The following CNNM4 variants were observed in gnomAD, a reference collection of about 807,000 sequenced individuals.
CNNM4 encodes metal transporter CNNM4.
CNNM4 carries 32 observed loss-of-function variants against 53.7 expected under a neutral mutation model. The observed-to-expected ratio is 0.60, with a 90% CI of 0.45 to 0.80. The LOEUF (loss-of-function observed/expected upper bound fraction) is 0.80. Ranked by LOEUF, CNNM4 falls within the 30% of genes least tolerant of loss-of-function variation. The pLI, the probability that CNNM4 is intolerant of heterozygous loss-of-function variation, is 0.00. For synonymous variants in CNNM4, 410 were observed against 440.0 expected (o/e 0.93, Z 0.85); for missense variants, 784 against 1,022.0 (o/e 0.77, Z 3.17).
At position 96,761,731 on chromosome 2, in the gene CNNM4, C is replaced by T. The variant is rs1401005817; in HGVS notation, c.732C>T (p.Cys244=). 5 of 1,609,892 alleles carry T rather than the reference C, an allele frequency of 3.1e-6. No individual in the cohort carries two copies. The Admixed American group carries it at 6.7e-5, about 21-fold the overall frequency. ...PIRRKGNYLL[C]SLLLGNVLVN... is the part of the protein sequence containing the mutation. Reference sequence around the variant, plus strand: ...GGCGCAAGGGCAACTACCTTCTCTGCTCGTTGCTCCTAGGGAACGTGCTGG... The same window carrying T: ...GGCGCAAGGGCAACTACCTTCTCTGTTCGTTGCTCCTAGGGAACGTGCTGG... Residue 244 remains cysteine (C), a synonymous_variant, in exon 1 of 7, where the codon TGC becomes TGT. Coordinates refer to ENST00000377075, the MANE Select transcript of CNNM4 (RefSeq NM_020184.4). This position sits in a 1 kb window ranked among gnomAD's most constrained non-coding sequence, Gnocchi z 6.0.
Position 96,808,983 on chromosome 2 carries a change from G to C in CNNM4, c.2130+241G>C, listed in dbSNP as rs2079232197. ...AGCCTCCTGAGTAGCTGGGACTACA[G>C]GTGTGCATGTGGCTTCGGGTTTTTT... On this transcript the variant is annotated intron_variant, in intron 6 of 6. Coordinates refer to ENST00000377075, the MANE Select transcript of CNNM4 (RefSeq NM_020184.4). This position sits in a 1 kb window ranked among gnomAD's most constrained non-coding sequence, Gnocchi z 4.9. Among the ~76,000 whole-genome samples the C allele has an allele frequency of 6.6e-6, 1 of 151,568 alleles. No homozygotes were observed. The highest frequency in any genetic ancestry group is 2.1e-4 in the South Asian group (1 of 4,810).
At position 96,808,796 on chromosome 2, in the gene CNNM4, C is replaced by G; in HGVS notation, c.2130+54C>G. On this transcript the variant is annotated intron_variant, in intron 6 of 6. Coordinates refer to ENST00000377075, the MANE Select transcript of CNNM4 (RefSeq NM_020184.4). The surrounding 1 kb of genome is among the most constrained non-coding windows in gnomAD (Gnocchi z 4.9). The stretch of plus-strand genomic sequence containing the variant: ...GTGCTATCTTCTGCTCAGGAATCAG[C>G]TACTACTTTCATCCACCAAACCCAG... 1 of 1,568,020 alleles carries G rather than the reference C, an allele frequency of 6.4e-7. No homozygotes were observed. Among genetic ancestry groups the G allele is most frequent in the South Asian group, 1.1e-5 (1 of 89,914 alleles).
Position 96,761,220 on chromosome 2 carries a change from T to A in CNNM4, c.221T>A (p.Val74Glu). The A allele has an allele frequency of 6.2e-7, 1 of 1,614,072 alleles. No homozygotes were observed. Among genetic ancestry groups the A allele is most frequent in the Non-Finnish European group, 8.5e-7 (1 of 1,179,976 alleles). The part of the protein sequence containing the change: ...GIIFVSEGST[V>E]NLRLYGYSLG... ...ATCTTCGTGTCCGAGGGCAGCACCG[T>A]GAACCTGAGGCTGTACGGCTACAGC... is the stretch of plus-strand genomic sequence containing the variant. The change falls in exon 1 of 7, where the codon GTG becomes GAG. Residue 74 changes from valine to glutamate, a missense_variant. Physicochemically the swap from Val to Glu is moderately radical, Grantham distance 121. This residue lies in a region of CNNM4 where 473 missense variants were observed against 624.6 expected (regional missense o/e 0.76). Coordinates refer to ENST00000377075, the MANE Select transcript of CNNM4 (RefSeq NM_020184.4). The surrounding 1 kb of genome is among the most constrained non-coding windows in gnomAD (Gnocchi z 6.0).
chr2:96,761,741 C>T lies in CNNM4; in HGVS notation c.742C>T (p.Leu248=). The change falls in exon 1 of 7, where the codon CTA becomes TTA. Residue 248 remains leucine, a synonymous_variant. Coordinates refer to ENST00000377075, the MANE Select transcript of CNNM4 (RefSeq NM_020184.4). This position sits in a 1 kb window ranked among gnomAD's most constrained non-coding sequence, Gnocchi z 6.0. ...CAACTACCTTCTCTGCTCGTTGCTC[C>T]TAGGGAACGTGCTGGTCAACACCTC... The part of the protein sequence containing the change: ...KGNYLLCSLL[L]GNVLVNTSLT... 1 of 1,610,442 alleles carries T rather than the reference C, an allele frequency of 6.2e-7. No individual in the cohort carries two copies.
intron 1 of CNNM4, among the ~76,000 whole-genome samples, chr2:96,780,058 C>A (rs1187315103): frequency 6.6e-6 from 1 of 152,058 alleles, no homozygotes; most frequent in Non-Finnish European, 1.5e-5. Context: ...TCTTGGCCTC[C>A]CAAAGTGCTG....
intron 1 of CNNM4, among the ~76,000 whole-genome samples, chr2:96,785,634 A>G (rs1030889507): frequency 1.3e-5 from 2 of 151,960 alleles, no homozygotes; most frequent in African/African-American, 4.8e-5. Flanking sequence ...CCTTTGTCTC[A>G]AAAAAGAAAA....
At chr2:96,774,429 A>C (rs1388869356) in intron 1 of CNNM4, among the ~76,000 whole-genome samples, 1 of 152,170 alleles carries the variant, frequency 6.6e-6, no homozygotes, top group East Asian at 1.9e-4. Context: ...ATTTTTTTTA[A>C]ATTAAAAAGT....
In CNNM4 at chr2:96,809,370, C is replaced by G. The variant is rs745930615; in HGVS notation, c.2181C>G (p.Asn727Lys). Residue 727 changes from asparagine to lysine, a missense_variant, in exon 7 of 7, where the codon AAC (asparagine) becomes AAG (lysine). Asn to Lys is a moderately conservative substitution (Grantham distance 94). Around this residue, in one of 3 missense-constraint regions of CNNM4, gnomAD observed 307 missense variants for 376.3 expected, o/e 0.82. Coordinates refer to ENST00000377075, the MANE Select transcript of CNNM4 (RefSeq NM_020184.4). The stretch of plus-strand genomic sequence containing the variant: ...GGCTGCTGGCTTCTCGCATGGAGAA[C>G]AGCCCTCAGTTTCCCATAGACGGGT... ...QNGLLASRME[N>K]SPQFPIDGCT... 2 of 1,614,064 alleles carry G rather than the reference C, an allele frequency of 1.2e-6. No homozygotes were observed. The highest frequency in any genetic ancestry group is 1.3e-5 in the African/African-American group (1 of 74,932).
intron 5 of CNNM4, among the ~76,000 whole-genome samples, chr2:96,806,535 A>ACACACACACACACACACGCGCGCGCGCG (rs374638753): frequency 8.1e-6 from 1 of 123,944 alleles, no homozygotes; most frequent in African/African-American, 2.9e-5. Flanking sequence ...ACACACACAC[A>ACACACACACACACACACGCGCGCGCGCG]CGCGCGCGCG....
intron 1 of CNNM4, among the ~76,000 whole-genome samples, chr2:96,794,329 G>A (rs939057548): frequency 2.6e-5 from 4 of 152,064 alleles, no homozygotes; most frequent in African/African-American, 4.8e-5. Flanking sequence ...GTATAGAAGG[G>A]TATATAGAGA....
chr2:96,767,375 G>T (rs2078828080), intron 1 of CNNM4, among the ~76,000 whole-genome samples: 1 of 152,140 alleles, frequency 6.6e-6, no homozygotes, highest in Non-Finnish European at 1.5e-5. Context: ...GGAACTGTTT[G>T]CAGTACTGGG....
At chr2:96,765,230 G>T (rs1157871534) in intron 1 of CNNM4, among the ~76,000 whole-genome samples, 7 of 149,488 alleles carry the variant, frequency 4.7e-5, no homozygotes, top group African/African-American at 1.7e-4. Context: ...GGGTTAAAGC[G>T]ATTCTTCTGC....
chr2:96,805,418 G>GTTTTTTTTTTTTTATTT (rs2079192643), intron 5 of CNNM4, among the ~76,000 whole-genome samples: 1 of 76,158 alleles, frequency 1.3e-5, no homozygotes, highest in African/African-American at 4.9e-5. Context: ...CTTCTTTTCA[G>GTTTTTTTTTTTTTATTT]TTTTTTTTTT....
At chr2:96,798,933 G>A (rs2153349645) in intron 3 of CNNM4, 124 bp from the exon 4 acceptor site, 6 of 968,360 alleles carry the variant, frequency 6.2e-6, no homozygotes, top group East Asian at 2.5e-5. Flanking sequence ...AGGGCCGGCC[G>A]AGCAGGGCGG....
intron 1 of CNNM4, among the ~76,000 whole-genome samples, chr2:96,765,596 C>G (rs1231540746): frequency 1.3e-5 from 2 of 152,118 alleles, no homozygotes; most frequent in Non-Finnish European, 2.9e-5. Context: ...CTTTTAGGGC[C>G]TTTGTATTCT....
rs989443562 is a variant in CNNM4, at chr2:96,790,479, C to G, written c.1403-6533C>G. 2.6e-5 allele frequency among the ~76,000 whole-genome samples: 4 copies of G among 151,790 alleles called. 1 individual carries two copies. Among genetic ancestry groups the G allele is most frequent in the African/African-American group, 7.2e-5 (3 of 41,380 alleles). On this transcript the variant is annotated intron_variant, in intron 1 of 6. Transcript: ENST00000377075. ...AAGCGATTCTCCTGCCTCAGCCTCC[C>G]GAGTAGTTGGGATTACAAGCATGTG...
At chr2:96,775,732 GTTTTGT>G (rs1484896100) in intron 1 of CNNM4, among the ~76,000 whole-genome samples, 1 of 151,834 alleles carries the variant, frequency 6.6e-6, no homozygotes, top group Non-Finnish European at 1.5e-5. Context: ...TTTTGTTTTT[GTTTTGT>G]TTTTGTTTTT....
At chr2:96,796,913 T>A (rs2079109113) in intron 1 of CNNM4, 99 bp from the exon 2 acceptor site, 1 of 1,252,028 alleles carries the variant, frequency 8.0e-7, no homozygotes, top group Non-Finnish European at 1.1e-6. Context: ...GACCCCATCC[T>A]GGTGACTTAT....
rs1292351578 is a variant in CNNM4 at position 96,797,581 on chromosome 2, G to T, written c.1615G>T (p.Asp539Tyr). ...KRDFSAFKDADNELKVKISPQ... is the reference protein window; with the variant it reads ...KRDFSAFKDAYNELKVKISPQ... Reference sequence around the variant, plus strand: ...TGACTTCTCTGCCTTCAAGGATGCGGACAATGAGCTCAAAGTGAAAATCTC... The same window carrying T: ...TGACTTCTCTGCCTTCAAGGATGCGTACAATGAGCTCAAAGTGAAAATCTC... The change falls in exon 3 of 7, where the codon GAC (aspartate) becomes TAC (tyrosine). Residue 539 changes from aspartate to tyrosine, a missense_variant. Physicochemically the swap from Asp to Tyr is radical, Grantham distance 160. Coordinates refer to ENST00000377075, the MANE Select transcript of CNNM4 (RefSeq NM_020184.4). This position sits in a 1 kb window ranked among gnomAD's most constrained non-coding sequence, Gnocchi z 6.0. 1 of 1,614,214 alleles carries T rather than the reference G, an allele frequency of 6.2e-7. No homozygotes were observed. The highest frequency in any genetic ancestry group is 8.5e-7 in the Non-Finnish European group (1 of 1,180,042).
Sources: allele counts gnomAD v4.1 joint callset (sites outside exome capture counted in the v4.1 genomes callset), GRCh38; gene constraint gnomAD v4.1.1; regional missense constraint gnomAD v4.1.1; non-coding constraint Gnocchi (gnomAD v3.1); transcripts MANE v1.5; gene names NCBI Gene and HGNC (gene_info 2026-07-23, HGNC 2026-07-21).